The following SETD1B variants were observed in gnomAD, a reference collection of about 807,000 sequenced individuals.
SETD1B encodes the protein SET domain containing 1B, histone lysine methyltransferase.
Under a neutral mutation model 148.0 loss-of-function variants are expected in SETD1B, and 7 were observed. That is an observed-to-expected ratio of 0.05 (90% CI 0.03 to 0.09). The LOEUF (loss-of-function observed/expected upper bound fraction) is 0.09, where lower values mean the gene tolerates loss of function less well. Among genes scored for constraint, SETD1B ranks in the 10% least tolerant of loss-of-function variants. The pLI, the probability that SETD1B is intolerant of heterozygous loss-of-function variation, is 1.00. For synonymous variants in SETD1B, 1,361 were observed against 1,186.5 expected, an observed-to-expected ratio of 1.15 and a Z score of -3.02; for missense variants, 2,155 against 2,729.9, an observed-to-expected ratio of 0.79 and a Z score of 4.69.
chr12:121,790,458 C>T, the SETD1B span, among the ~76,000 whole-genome samples: 2 of 152,256 alleles, frequency 1.3e-5, no homozygotes, highest in Non-Finnish European at 2.9e-5. Flanking sequence ...GAGAGCCGTC[C>T]ACCTGCAGGC....
Position 121,822,918 on chromosome 12 carries a change from G to A in SETD1B, c.4339G>A (p.Val1447Ile), listed in dbSNP as rs371894952. Residue 1447 changes from valine to isoleucine, a missense_variant, in exon 12 of 17, where the codon GTC becomes ATC. Coordinates refer to ENST00000604567, the MANE Select transcript of SETD1B (RefSeq NM_001353345.2). ...SEPSGPLLLP[V>I]CPLPTGRRDE... ...GCCCAGCGGGCCCTTGCTCCTGCCCGTCTGCCCACTCCCCACTGGCCGACG... is the reference window on the plus strand; with the variant it reads ...GCCCAGCGGGCCCTTGCTCCTGCCCATCTGCCCACTCCCCACTGGCCGACG... 30 of 1,514,982 alleles carry A rather than the reference G, an allele frequency of 2.0e-5. No homozygotes were observed. Among genetic ancestry groups the A allele is most frequent in the African/African-American group, 4.2e-5 (3 of 71,992 alleles). The allele number at this position is 1,514,982 out of a possible 1,614,324, so 93.8% of individuals were successfully genotyped here.
chr12:121,825,658 A>T (rs532947801), intron 13 of SETD1B, among the ~76,000 whole-genome samples: 1 of 150,406 alleles, frequency 6.6e-6, no homozygotes, highest in East Asian at 1.9e-4. Context: ...TTTTTTTTTT[A>T]GGGGGGGACA....
chr12:121,814,390 G>A lies in SETD1B; in HGVS notation c.2175G>A (p.Val725=), dbSNP rs1179257490. 1 of 1,231,104 alleles carries A rather than the reference G, an allele frequency of 8.1e-7. No individual in the cohort carries two copies. 76.3% of individuals were successfully genotyped at this position (1,231,104 alleles called of 1,614,324 possible). The change falls in exon 7 of 17, where the codon GTG becomes GTA. Residue 725 remains valine, a synonymous_variant. Transcript: ENST00000604567. ...PPPPAHPAVT[V]PPPPLPAPPG... is the part of the protein sequence containing the mutation. The stretch of plus-strand genomic sequence containing the variant: ...CTCCAGCCCACCCTGCTGTGACAGT[G>A]CCCCCACCACCCTTGCCAGCGCCGC...
chr12:121,817,189 C>T lies in SETD1B; in HGVS notation c.2872C>T (p.Arg958Cys), dbSNP rs1413388832. The T allele has an allele frequency of 3.2e-6, 5 of 1,550,142 alleles. No homozygotes were observed. Among genetic ancestry groups the T allele is most frequent in the African/African-American group, 1.4e-5 (1 of 73,052 alleles). Residue 958 changes from arginine (R) to cysteine (C), a missense_variant, in exon 8 of 17, where the codon CGC (arginine) becomes TGC (cysteine). Arg to Cys is a radical substitution (Grantham distance 180). Around this residue, in one of 11 missense-constraint regions of SETD1B, gnomAD observed 289 missense variants for 423.7 expected, o/e 0.68. Transcript: ENST00000604567. This position sits in a 1 kb window ranked among gnomAD's most constrained non-coding sequence, Gnocchi z 8.1. ...GGGCATTGGGCTGCGTGGGGCCATT[C>T]GCCTGCCCTCCTTCAAGGTCAAGAG... ...GLGIGLRGAIRLPSFKVKRKE... is the reference protein window; with the variant it reads ...GLGIGLRGAICLPSFKVKRKE...
chr12:121,797,111 G>A, the SETD1B span: 1 of 243,580 alleles, frequency 4.1e-6, no homozygotes, highest in East Asian at 1.4e-4. Context: ...TCACATGCCA[G>A]CTACAGATGC....
At chr12:121,812,973 C>G (rs976743413) in intron 6 of SETD1B, among the ~76,000 whole-genome samples, 1 of 151,970 alleles carries the variant, frequency 6.6e-6, no homozygotes, top group African/African-American at 2.4e-5. Context: ...TTCAAAGGTC[C>G]CCCCACCCCA....
chr12:121,815,485 G>A (rs1215094376), intron 7 of SETD1B, among the ~76,000 whole-genome samples: 1 of 150,610 alleles, frequency 6.6e-6, no homozygotes, highest in Non-Finnish European at 1.5e-5. Flanking sequence ...CCTTTTACAC[G>A]GAGCCCTGTC....
At chr12:121,825,650 T>C (rs1221692007) in intron 13 of SETD1B, among the ~76,000 whole-genome samples, 2 of 152,070 alleles carry the variant, frequency 1.3e-5, no homozygotes, top group Non-Finnish European at 2.9e-5. Flanking sequence ...TGCTTGGGTT[T>C]TTTTTTTAGG....
intron 11 of SETD1B, among the ~76,000 whole-genome samples, chr12:121,821,476 G>A (rs143303357): frequency 3.1e-4 from 47 of 150,268 alleles, no homozygotes; most frequent in African/African-American, 9.1e-4. Flanking sequence ...TGTGCCGGGC[G>A]CGGTGGCTCA....
At chr12:121,820,273 C>A (rs1876505806) in intron 11 of SETD1B, among the ~76,000 whole-genome samples, 1 of 152,202 alleles carries the variant, frequency 6.6e-6, no homozygotes, top group East Asian at 1.9e-4. Flanking sequence ...GTGAGGGCTG[C>A]AGGCATTGCC....
chr12:121,792,267 A>G, the SETD1B span, among the ~76,000 whole-genome samples: 1 of 152,224 alleles, frequency 6.6e-6, no homozygotes, highest in Non-Finnish European at 1.5e-5. Context: ...GGTTCCCTGC[A>G]GGTCACTAAA....
At chr12:121,822,149 G>T (rs778355225) in intron 11 of SETD1B, among the ~76,000 whole-genome samples, 4 of 152,182 alleles carry the variant, frequency 2.6e-5, no homozygotes, top group Non-Finnish European at 1.5e-5. Context: ...ATCCTTGAAG[G>T]CTCCGACAAG....
Position 121,805,295 on chromosome 12 carries a change from C to T in SETD1B, c.273+79C>T. ...AAATAACGCCAGTCCTGACCGAGCCCAGCCGGATTCCCAGTTCCCGCCGTC... is the reference window on the plus strand; with the variant it reads ...AAATAACGCCAGTCCTGACCGAGCCTAGCCGGATTCCCAGTTCCCGCCGTC... On this transcript the variant is annotated intron_variant, in intron 3 of 16. Coordinates refer to ENST00000604567, the MANE Select transcript of SETD1B (RefSeq NM_001353345.2). The surrounding 1 kb of genome is among the most constrained non-coding windows in gnomAD (Gnocchi z 4.2). The T allele has an allele frequency of 2.4e-6, 3 of 1,236,180 alleles. No homozygotes were observed. The highest frequency in any genetic ancestry group is 2.7e-4 in the Middle Eastern group (1 of 3,732). 76.6% of individuals were successfully genotyped at this position (1,236,180 alleles called of 1,614,324 possible). A position where few individuals can be genotyped will look rare whatever the true frequency, so the allele number is the denominator to read the frequency against.
intron 4 of SETD1B, among the ~76,000 whole-genome samples, chr12:121,807,927 G>A (rs1322176530): frequency 1.3e-5 from 2 of 152,178 alleles, no homozygotes; most frequent in Non-Finnish European, 2.9e-5. Flanking sequence ...TGGGCGTCGC[G>A]GGTGGCACCT....
rs1380813448 is a variant in SETD1B at position 121,810,974 on chromosome 12, AC to A, written c.1890+140del. ...AAAGCCAATATAACAGGTGGAACTT[AC>A]AGAATAAAAAGGGGATGCAGAAAAC... On this transcript the variant is annotated intron_variant, in intron 6 of 16. Transcript: ENST00000604567. The surrounding 1 kb of genome is among the most constrained non-coding windows in gnomAD (Gnocchi z 7.6). 6.6e-5 allele frequency: 77 copies of A among 1,159,784 alleles called. No individual in the cohort carries two copies. Among genetic ancestry groups the A allele is most frequent in the Admixed American group, 2.6e-4 (8 of 31,058 alleles). The allele number at this position is 1,159,784 out of a possible 1,614,324, so 71.8% of individuals were successfully genotyped here. A position where few individuals can be genotyped will look rare whatever the true frequency, so the allele number is the denominator to read the frequency against.
chr12:121,810,019 C>T lies in SETD1B; in HGVS notation c.1074C>T (p.Gly358=), dbSNP rs527459665. ...GSSDLPFGAV[G]GTGGSSGPPF... ...CGGACCTCCCGTTCGGAGCAGTCGG[C>T]GGCACTGGGGGCAGCAGCGGTCCCC... Residue 358 remains glycine (G), a synonymous_variant, in exon 6 of 17, where the codon GGC becomes GGT. Transcript: ENST00000604567. This position sits in a 1 kb window ranked among gnomAD's most constrained non-coding sequence, Gnocchi z 7.6. 3.9e-6 allele frequency: 6 copies of T among 1,550,472 alleles called. No homozygotes were observed. In the East Asian group the frequency reaches 7.3e-5, roughly 19 times the overall value.
At chr12:121,820,290 G>A (rs542035662) in intron 11 of SETD1B, among the ~76,000 whole-genome samples, 2 of 152,308 alleles carry the variant, frequency 1.3e-5, no homozygotes, top group African/African-American at 2.4e-5. Flanking sequence ...TGCCCCCTCC[G>A]GCATCGTGAT....
intron 7 of SETD1B, 69 bp from the exon 8 acceptor site, chr12:121,816,964 T>C (rs1389056413): frequency 4.2e-5 from 58 of 1,377,466 alleles, no homozygotes; most frequent in Non-Finnish European, 5.4e-5. Context: ...GCAGGTAGCC[T>C]GGGGAGGGCT....
Position 121,819,105 on chromosome 12 carries a change from G to A in SETD1B, c.3419-299G>A, listed in dbSNP as rs150880210. Among the ~76,000 whole-genome samples, 344 of 151,666 alleles carry A rather than the reference G, an allele frequency of 2.3e-3. 3 individuals are homozygous for A. Among genetic ancestry groups the A allele is most frequent in the East Asian group, 0.011 (58 of 5,108 alleles). ...ACTAAAAGTACAAAATTAGCCGGGC[G>A]TGGTGGTGCATGCCTGTAATCCCAG... On this transcript the variant is annotated intron_variant, in intron 10 of 16. Coordinates refer to ENST00000604567, the MANE Select transcript of SETD1B (RefSeq NM_001353345.2).
Sources: gnomAD v4.1 joint callset for allele counts (sites outside exome capture counted in the v4.1 genomes callset) on GRCh38, gnomAD v4.1.1 for gene constraint, gnomAD v4.1.1 regional missense constraint, Gnocchi (gnomAD v3.1) non-coding constraint, MANE v1.5 for transcripts, NCBI Gene and HGNC (gene_info 2026-07-23, HGNC 2026-07-21) for gene names.